Variants in CDK19 observed in about 807,000 individuals in gnomAD.
CDK19 encodes cyclin-dependent kinase 19.
A neutral mutation model predicts 68.3 loss-of-function variants in CDK19; 20 were observed. The ratio of observed to expected loss-of-function variants is 0.29; its 90% CI spans 0.21 to 0.43. The LOEUF (loss-of-function observed/expected upper bound fraction) is 0.43, where lower values mean the gene tolerates loss of function less well. Among genes scored for constraint, CDK19 ranks in the 20% least tolerant of loss-of-function variants. CDK19 has a pLI of 1.00. For synonymous variants in CDK19, 221 were observed against 222.8 expected (o/e 0.99, Z 0.07); for missense variants, 339 against 623.5 (o/e 0.54, Z 4.86).
chr6:110,744,389 T>C (rs1458228805), intron 2 of CDK19, among the ~76,000 whole-genome samples: 2 of 151,368 alleles, frequency 1.3e-5, no homozygotes, highest in African/African-American at 4.9e-5. Flanking sequence ...CAAACATAGG[T>C]CCAAGCATGG....
intron 5 of CDK19, among the ~76,000 whole-genome samples, chr6:110,638,057 ATTT>A (rs71553303): frequency 4.7e-5 from 7 of 149,566 alleles, no homozygotes; most frequent in Non-Finnish European, 8.9e-5. Context: ...AATGATGCTG[ATTT>A]TTTTTTTTAG....
chr6:110,814,622 T>C (rs1433883534), intron 1 of CDK19: 1 of 472,506 alleles, frequency 2.1e-6, no homozygotes, highest in Non-Finnish European at 4.2e-6. Context: ...CGACCGTCAC[T>C]ACCCAGGGCC....
intron 1 of CDK19, among the ~76,000 whole-genome samples, chr6:110,781,486 A>C (rs1780817631): frequency 6.6e-6 from 1 of 152,184 alleles, no homozygotes; most frequent in Non-Finnish European, 1.5e-5. Context: ...ACAAATATCC[A>C]AACTATATCA....
chr6:110,722,974 T>C (rs949151595), intron 2 of CDK19, among the ~76,000 whole-genome samples: 4 of 152,124 alleles, frequency 2.6e-5, no homozygotes, highest in African/African-American at 9.6e-5. Flanking sequence ...ATGTCTTTTC[T>C]AAAGATGGTC....
At chr6:110,759,416 A>ATATATAT (rs1562264973) in intron 1 of CDK19, among the ~76,000 whole-genome samples, 4 of 113,566 alleles carry the variant, frequency 3.5e-5, no homozygotes, top group African/African-American at 1.6e-4. Context: ...AAAAAAAAAA[A>ATATATAT]AAAAAAAAAA....
chr6:110,764,122 A>G (rs1049428735), intron 1 of CDK19, among the ~76,000 whole-genome samples: 14 of 152,346 alleles, frequency 9.2e-5, no homozygotes, highest in Admixed American at 2.0e-4. Flanking sequence ...AAATAAGTGG[A>G]GAGATATTCC....
intron 4 of CDK19, among the ~76,000 whole-genome samples, chr6:110,648,333 A>G (rs542813793): frequency 6.6e-6 from 1 of 152,306 alleles, no homozygotes; most frequent in East Asian, 1.9e-4. Context: ...GGCAATAGTA[A>G]CAGAGCTTAG....
chr6:110,761,167 C>T (rs1013484698), intron 1 of CDK19, among the ~76,000 whole-genome samples: 1 of 152,036 alleles, frequency 6.6e-6, no homozygotes, highest in Non-Finnish European at 1.5e-5. Flanking sequence ...AGGCTGGTCT[C>T]GAATGCCTTG....
intron 2 of CDK19, among the ~76,000 whole-genome samples, chr6:110,715,013 C>T (rs896784826): frequency 2.6e-5 from 4 of 152,082 alleles, no homozygotes; most frequent in Admixed American, 1.3e-4. Flanking sequence ...GAATTACAGG[C>T]GTGAGCCACC....
At chr6:110,801,913 CG>C (rs1275748530) in intron 1 of CDK19, among the ~76,000 whole-genome samples, 3 of 151,872 alleles carry the variant, frequency 2.0e-5, no homozygotes, top group African/African-American at 7.3e-5. Context: ...ATACAAGTAG[CG>C]AAAAAACATG....
chr6:110,774,517 C>T (rs1485228626), intron 1 of CDK19, among the ~76,000 whole-genome samples: 1 of 152,196 alleles, frequency 6.6e-6, no homozygotes, highest in Non-Finnish European at 1.5e-5. Context: ...TTTCATCACA[C>T]TACTCAAAAT....
intron 3 of CDK19, among the ~76,000 whole-genome samples, chr6:110,669,830 A>G (rs1770848536): frequency 6.6e-6 from 1 of 152,220 alleles, no homozygotes; most frequent in Non-Finnish European, 1.5e-5. Flanking sequence ...TTCACTATAC[A>G]TATTAGTAAA....
chr6:110,735,943 A>G (rs534714917), intron 2 of CDK19, among the ~76,000 whole-genome samples: 36 of 152,352 alleles, frequency 2.4e-4, no homozygotes, highest in Non-Finnish European at 4.0e-4. Flanking sequence ...TTCAGCAAGG[A>G]AAGAGATTCT....
chr6:110,711,997 C>T (rs6927853), intron 2 of CDK19, among the ~76,000 whole-genome samples: 146,946 of 152,350 alleles, frequency 0.96, 71,078 homozygotes, highest in Middle Eastern at 1. Flanking sequence ...TAAATTACAA[C>T]GAACTTCAGG....
chr6:110,759,353 C>T (rs1779038935), intron 1 of CDK19, among the ~76,000 whole-genome samples: 1 of 137,430 alleles, frequency 7.3e-6, no homozygotes, highest in Admixed American at 7.8e-5. Context: ...TGCAGTGAGC[C>T]GAGATGGCAC....
At chr6:110,699,607 T>C (rs1457014349) in intron 2 of CDK19, among the ~76,000 whole-genome samples, 2 of 152,008 alleles carry the variant, frequency 1.3e-5, no homozygotes, top group Non-Finnish European at 2.9e-5. Flanking sequence ...TAAAGAACTA[T>C]ATATTGGTTA....
chr6:110,635,112 T>G (rs1779676991), intron 5 of CDK19, among the ~76,000 whole-genome samples: 1 of 152,192 alleles, frequency 6.6e-6, no homozygotes, highest in Non-Finnish European at 1.5e-5. Flanking sequence ...TTAGTAAAAT[T>G]CTGGTGTGAG....
intron 1 of CDK19, among the ~76,000 whole-genome samples, chr6:110,780,590 T>C (rs1780741314): frequency 1.3e-5 from 2 of 152,142 alleles, no homozygotes; most frequent in African/African-American, 4.8e-5. Flanking sequence ...TAAACAAACC[T>C]ATTTTTTTCA....
intron 2 of CDK19, among the ~76,000 whole-genome samples, chr6:110,738,563 G>A (rs904019297): frequency 6.6e-6 from 1 of 151,776 alleles, no homozygotes; most frequent in African/African-American, 2.4e-5. Context: ...AAAAACAACT[G>A]AGATAATGTA....
Sources: allele counts gnomAD v4.1 joint callset (sites outside exome capture counted in the v4.1 genomes callset), GRCh38; gene constraint gnomAD v4.1.1; transcripts MANE v1.5; gene names NCBI Gene and HGNC (gene_info 2026-07-23, HGNC 2026-07-21).